USP34: variants seen among roughly 807,000 people sequenced by gnomAD.
The protein encoded by USP34 is ubiquitin carboxyl-terminal hydrolase 34.
In USP34, 70 loss-of-function variants were observed where a neutral mutation model predicts 460.3. The observed-to-expected ratio is 0.15, with a 90% CI of 0.13 to 0.19. The LOEUF (loss-of-function observed/expected upper bound fraction) is 0.19, where lower values mean the gene tolerates loss of function less well. Among genes scored for constraint, USP34 ranks in the 10% least tolerant of loss-of-function variants. The probability of loss-of-function intolerance (pLI) is 1.00; values close to 1 mark genes in which losing one functional copy is unlikely to be tolerated. For missense variants in USP34, 3,985 were observed against 4,236.2 expected, an observed-to-expected ratio of 0.94 and a Z score of 1.65; for synonymous variants, 1,647 against 1,405.3, an observed-to-expected ratio of 1.17 and a Z score of -3.85.
chr2:61,348,656 A>T, intron 14 of USP34, 100 bp downstream of exon 14: 4 of 1,472,226 alleles, frequency 2.7e-6, no homozygotes, highest in Non-Finnish European at 3.6e-6. Context: ...AAAGGAGAGG[A>T]CAAGCCCAAA....
chr2:61,467,605 G>T (rs1008268366), intron 1 of USP34, among the ~76,000 whole-genome samples: 1 of 147,346 alleles, frequency 6.8e-6, no homozygotes, highest in Non-Finnish European at 1.5e-5. Context: ...ATTTTGGGAG[G>T]ACTGTAACTT....
chr2:61,254,001 C>A (rs900215589), intron 48 of USP34, among the ~76,000 whole-genome samples: 1 of 152,242 alleles, frequency 6.6e-6, no homozygotes, highest in South Asian at 2.1e-4. Flanking sequence ...TCCCAAAGTA[C>A]TGGGATTACA....
intron 41 of USP34, among the ~76,000 whole-genome samples, chr2:61,266,803 A>G (rs1049477283): frequency 7.2e-5 from 11 of 152,184 alleles, no homozygotes; most frequent in Non-Finnish European, 1.5e-4. Flanking sequence ...GAGACTCTTG[A>G]TACCCACAGA....
intron 37 of USP34, among the ~76,000 whole-genome samples, 184 bp downstream of exon 37, chr2:61,282,961 A>G (rs1051682264): frequency 7.9e-5 from 12 of 152,218 alleles, no homozygotes; most frequent in African/African-American, 2.9e-4. Context: ...ATAATATATA[A>G]TAGTCAGAAG....
At chr2:61,218,223 C>T (rs1158664078) in intron 67 of USP34, among the ~76,000 whole-genome samples, 3 of 148,600 alleles carry the variant, frequency 2.0e-5, no homozygotes, top group Non-Finnish European at 4.4e-5. Flanking sequence ...AACTGGCACA[C>T]ATCTCTTTGT....
At chr2:61,307,232 G>A (rs543078940) in intron 27 of USP34, among the ~76,000 whole-genome samples, 26 of 148,042 alleles carry the variant, frequency 1.8e-4, no homozygotes, top group African/African-American at 5.7e-4. Flanking sequence ...TCCAAACACC[G>A]CATGTTCTCA....
intron 27 of USP34, among the ~76,000 whole-genome samples, chr2:61,309,445 T>A (rs1690518133): frequency 6.6e-6 from 1 of 152,126 alleles, no homozygotes; most frequent in African/African-American, 2.4e-5. Flanking sequence ...TGCACCAAAT[T>A]TGAGGACAAT....
chr2:61,459,954 C>A (rs552663370), intron 1 of USP34, among the ~76,000 whole-genome samples: 1 of 151,994 alleles, frequency 6.6e-6, no homozygotes, highest in Non-Finnish European at 1.5e-5. Flanking sequence ...CCCAGCCACT[C>A]GGGTGGCTGA....
chr2:61,409,897 G>A (rs1693988829), intron 2 of USP34, among the ~76,000 whole-genome samples: 1 of 151,960 alleles, frequency 6.6e-6, no homozygotes, highest in Admixed American at 6.6e-5. Flanking sequence ...AGTCTAACAG[G>A]GGAACACACA....
rs774211218 is a variant in USP34 at position 61,350,622 on chromosome 2, A to G, written c.1323T>C (p.Leu441=). The change falls in exon 11 of 80, where the codon CTT becomes CTC. Residue 441 remains leucine, a synonymous_variant. Transcript: ENST00000398571. ...SLIKNLDPVP[L]RHLLNLVSAL... ...CTGAGACCAGATTAAGTAGATGTCTAAGTGGTACGGGATCCAAATTCTTGA... is the reference window on the plus strand; with the variant it reads ...CTGAGACCAGATTAAGTAGATGTCTGAGTGGTACGGGATCCAAATTCTTGA... The G allele has an allele frequency of 6.2e-6, 10 of 1,613,918 alleles. No individual in the cohort carries two copies. In the Admixed American group the frequency reaches 1.2e-4, roughly 19 times the overall value.
chr2:61,459,295 G>T (rs1695530608), intron 1 of USP34, among the ~76,000 whole-genome samples: 1 of 152,136 alleles, frequency 6.6e-6, no homozygotes, highest in Non-Finnish European at 1.5e-5. Context: ...TGTGACCTTA[G>T]ACAAATCTTT....
chr2:61,410,623 G>A (rs966575460), intron 2 of USP34, among the ~76,000 whole-genome samples: 9 of 151,950 alleles, frequency 5.9e-5, no homozygotes, highest in Non-Finnish European at 1.2e-4. Context: ...ATTTTTTTTA[G>A]CTACAAGCTT....
At chr2:61,295,053 G>A in intron 31 of USP34, 21 bp from the exon 32 acceptor site, 1 of 1,607,740 alleles carries the variant, frequency 6.2e-7, no homozygotes, top group Non-Finnish European at 8.5e-7. Context: ...GGCAAAAAAA[G>A]TAAGGCAGAA....
intron 76 of USP34, among the ~76,000 whole-genome samples, chr2:61,192,014 C>T (rs997930956): frequency 6.6e-6 from 1 of 152,200 alleles, no homozygotes; most frequent in Admixed American, 6.5e-5. Flanking sequence ...AAGGTCTCTA[C>T]ACTTGAGTTC....
chr2:61,391,058 G>A (rs1693329861), intron 5 of USP34, among the ~76,000 whole-genome samples: 1 of 151,574 alleles, frequency 6.6e-6, no homozygotes, highest in African/African-American at 2.4e-5. Flanking sequence ...TCATACCACT[G>A]CACTCCAGCC....
At chr2:61,407,759 A>G (rs886538114) in intron 2 of USP34, among the ~76,000 whole-genome samples, 1 of 152,156 alleles carries the variant, frequency 6.6e-6, no homozygotes, top group African/African-American at 2.4e-5. Flanking sequence ...CCTATCACTG[A>G]AAAACACTCA....
At chr2:61,384,064 T>G (rs1693059885) in intron 5 of USP34, among the ~76,000 whole-genome samples, 1 of 152,150 alleles carries the variant, frequency 6.6e-6, no homozygotes. Flanking sequence ...CCTAAAATAT[T>G]TCAAATTACC....
At chr2:61,320,557 A>G (rs1572932050) in intron 21 of USP34, among the ~76,000 whole-genome samples, 2 of 152,216 alleles carry the variant, frequency 1.3e-5, no homozygotes, top group Non-Finnish European at 1.5e-5. Context: ...TTATTTATAT[A>G]AAAGTGTATA....
chr2:61,339,187 TAAG>T (rs371164121), intron 18 of USP34, among the ~76,000 whole-genome samples, 161 bp downstream of exon 18: 32 of 152,308 alleles, frequency 2.1e-4, no homozygotes, highest in South Asian at 8.3e-4. Flanking sequence ...TGAACCATGT[TAAG>T]AAGAAACCTC....
Sources: gnomAD v4.1 joint callset for allele counts (sites outside exome capture counted in the v4.1 genomes callset) on GRCh38, gnomAD v4.1.1 for gene constraint, MANE v1.5 for transcripts, NCBI Gene and HGNC (gene_info 2026-07-23, HGNC 2026-07-21) for gene names.